The following POLQ variants were observed in gnomAD, a reference collection of about 807,000 sequenced individuals.
POLQ encodes epididymis secretory sperm binding protein.
POLQ carries 233 observed loss-of-function variants against 259.2 expected under a neutral mutation model. That is an observed-to-expected ratio of 0.90 (90% CI 0.81 to 1.00). The LOEUF (loss-of-function observed/expected upper bound fraction) is 1.00. POLQ is among the 50% of genes least tolerant of loss of function. The pLI is 0.00. For missense variants in POLQ, 2,871 were observed against 3,051.6 expected, an observed-to-expected ratio of 0.94 and a Z score of 1.39; for synonymous variants, 1,025 against 1,048.8, an observed-to-expected ratio of 0.98 and a Z score of 0.44.
At chr3:121,508,405 G>A (rs546694081) in intron 12 of POLQ, among the ~76,000 whole-genome samples, 45 of 152,242 alleles carry the variant, frequency 3.0e-4, no homozygotes, top group African/African-American at 1.1e-3. Context: ...TCAGCCCTGA[G>A]GTGGGTATTA....
intron 27 of POLQ, among the ~76,000 whole-genome samples, chr3:121,437,769 A>T (rs756718981): frequency 6.6e-6 from 1 of 152,244 alleles, no homozygotes; most frequent in Non-Finnish European, 1.5e-5. Flanking sequence ...TCAAACTGAA[A>T]ACCCAAGTTC....
At chr3:121,512,094 A>AT in intron 9 of POLQ, 65 bp from the exon 10 acceptor site, 1 of 1,393,750 alleles carries the variant, frequency 7.2e-7, no homozygotes, top group South Asian at 1.3e-5. Context: ...TGCTAAAGAG[A>AT]TTTTAAGTTG....
At chr3:121,483,200 T>G (rs567450631) in intron 18 of POLQ, among the ~76,000 whole-genome samples, 186 bp downstream of exon 18, 3 of 152,020 alleles carry the variant, frequency 2.0e-5, no homozygotes, top group East Asian at 1.9e-4. Flanking sequence ...ATCTCTGTTT[T>G]TATCTACACA....
chr3:121,545,962 G>T lies in POLQ; in HGVS notation c.-85C>A. The T allele has an allele frequency of 6.8e-7, 1 of 1,475,766 alleles. No homozygotes were observed. The highest frequency in any genetic ancestry group is 9.2e-7 in the Non-Finnish European group (1 of 1,081,234). 91.4% of individuals were successfully genotyped at this position (1,475,766 alleles called of 1,614,324 possible). A position where few individuals can be genotyped will look rare whatever the true frequency, so the allele number is the denominator to read the frequency against. On this transcript the variant is annotated 5_prime_UTR_variant, in exon 1 of 30. Coordinates refer to ENST00000264233, the MANE Select transcript of POLQ (RefSeq NM_199420.4). Reference sequence around the variant, plus strand: ...GAACCCTGGCCTGGCAACAGCTGCGGACATCTTCCCGCCAGTCTTCAAACT... The same window carrying T: ...GAACCCTGGCCTGGCAACAGCTGCGTACATCTTCCCGCCAGTCTTCAAACT...
chr3:121,493,642 C>A lies in POLQ; in HGVS notation c.2358G>T (p.Thr786=). 1 of 1,614,054 alleles carries A rather than the reference C, an allele frequency of 6.2e-7. No homozygotes were observed. Among genetic ancestry groups the A allele is most frequent in the South Asian group, 1.1e-5 (1 of 91,082 alleles). The change falls in exon 15 of 30, where the codon ACG becomes ACT. Residue 786 remains threonine, a synonymous_variant. Coordinates refer to ENST00000264233, the MANE Select transcript of POLQ (RefSeq NM_199420.4). ...LLLSQFQKRL[T]FGIQRELCDL... The stretch of plus-strand genomic sequence containing the variant: ...CACACAGCTCCCTCTGGATGCCAAA[C>A]GTAAGACGCTTCTGAAATTGGGAAA...
chr3:121,498,221 A>G (rs1294810249), intron 13 of POLQ, among the ~76,000 whole-genome samples: 6 of 152,088 alleles, frequency 3.9e-5, no homozygotes, highest in Non-Finnish European at 7.4e-5. Context: ...GAGGCAGCAG[A>G]ATCGCTTGAA....
At chr3:121,482,540 G>A (rs1010171327) in intron 18 of POLQ, among the ~76,000 whole-genome samples, 23 of 149,590 alleles carry the variant, frequency 1.5e-4, no homozygotes, top group African/African-American at 4.9e-4. Flanking sequence ...AAAAAGTGAC[G>A]CATAAATGTT....
At chr3:121,507,909 G>A (rs1326709963) in intron 12 of POLQ, among the ~76,000 whole-genome samples, 5 of 151,866 alleles carry the variant, frequency 3.3e-5, no homozygotes, top group Non-Finnish European at 7.4e-5. Context: ...GCTGGAGCAT[G>A]GTGGCACGAT....
intron 12 of POLQ, among the ~76,000 whole-genome samples, chr3:121,506,797 GTACCATGT>G (rs2048212179): frequency 6.6e-6 from 1 of 152,128 alleles, no homozygotes; most frequent in Non-Finnish European, 1.5e-5. Flanking sequence ...AACACTGTGT[GTACCATGT>G]TACTTACTGA....
At chr3:121,511,095 G>A (rs557261839) in intron 10 of POLQ, among the ~76,000 whole-genome samples, 8 of 152,020 alleles carry the variant, frequency 5.3e-5, no homozygotes, top group Admixed American at 2.0e-4. Context: ...GCGTGGTGGC[G>A]GGCGCCTGTA....
intron 24 of POLQ, among the ~76,000 whole-genome samples, chr3:121,466,306 A>G (rs1344446512): frequency 1.3e-5 from 2 of 149,530 alleles, no homozygotes; most frequent in Non-Finnish European, 3.0e-5. Flanking sequence ...AAACTGATTC[A>G]TGAGTTTTAA....
intron 9 of POLQ, among the ~76,000 whole-genome samples, chr3:121,517,324 C>T (rs931349454): frequency 6.6e-6 from 1 of 151,780 alleles, no homozygotes; most frequent in Admixed American, 6.6e-5. Flanking sequence ...ACAGGATAAA[C>T]GTCTCTGATG....
intron 22 of POLQ, among the ~76,000 whole-genome samples, chr3:121,469,951 G>T (rs1433901456): frequency 6.6e-6 from 1 of 152,066 alleles, no homozygotes; most frequent in Non-Finnish European, 1.5e-5. Context: ...CAAAGCAGAA[G>T]GCTTATTACT....
intron 12 of POLQ, 144 bp from the exon 13 acceptor site, chr3:121,498,814 T>C (rs2048144812): frequency 1.6e-6 from 1 of 629,832 alleles, no homozygotes; most frequent in Non-Finnish European, 2.7e-6. Context: ...GATGGAAAGA[T>C]TGCTTGAACC....
chr3:121,517,994 T>G (rs1461594412), intron 9 of POLQ, among the ~76,000 whole-genome samples: 1 of 152,226 alleles, frequency 6.6e-6, no homozygotes, highest in East Asian at 1.9e-4. Flanking sequence ...TTTTTGGTAT[T>G]TGTGGTAGTC....
chr3:121,507,644 T>C lies in POLQ; in HGVS notation c.1959+1917A>G, dbSNP rs2048219674. Among the ~76,000 whole-genome samples, 4 of 152,172 alleles carry C rather than the reference T, an allele frequency of 2.6e-5. No individual in the cohort carries two copies. The South Asian group carries it at 6.2e-4, about 24-fold the overall frequency. On this transcript the variant is annotated intron_variant, in intron 12 of 29. Transcript: ENST00000264233. ...CAGGAGGCTAAGGCAGAAGAATCGC[T>C]TGAACCTGGGAGGCAGAGGTTGCAA...
At chr3:121,520,545 C>T (rs2048329996) in intron 8 of POLQ, among the ~76,000 whole-genome samples, 1 of 151,692 alleles carries the variant, frequency 6.6e-6, no homozygotes, top group Non-Finnish European at 1.5e-5. Flanking sequence ...ACAACAATAA[C>T]AAAAAAAGAG....
rs1477480089 is a variant in POLQ, at chr3:121,436,157, C to T, written c.7508G>A (p.Gly2503Asp). Residue 2503 changes from glycine to aspartate, a missense_variant, in exon 28 of 30, where the codon GGT becomes GAT. Physicochemically the swap from Gly to Asp is moderately conservative, Grantham distance 94. This residue lies in a region of POLQ where 2,080 missense variants were observed against 2,126.0 expected (regional missense o/e 0.98). Transcript: ENST00000264233. ...ACTTTGGAGCATACCCTCTCGATGA[C>T]CATGGGATTTGAAGGTTGAGTGGAA... ...ETFHSTFKSHGHREGMLQSDQ... is the reference protein window; with the variant it reads ...ETFHSTFKSHDHREGMLQSDQ... 1.9e-6 allele frequency: 3 copies of T among 1,613,722 alleles called. No individual in the cohort carries two copies. Among genetic ancestry groups the T allele is most frequent in the East Asian group, 4.5e-5 (2 of 44,884 alleles).
intron 7 of POLQ, among the ~76,000 whole-genome samples, chr3:121,528,346 T>A (rs1576427382): frequency 1.4e-5 from 2 of 146,740 alleles, no homozygotes; most frequent in Admixed American, 1.4e-4. Flanking sequence ...AAATTTTAAT[T>A]TTTTTTTTTT....
Sources: gnomAD v4.1 joint callset for allele counts (sites outside exome capture counted in the v4.1 genomes callset) on GRCh38, gnomAD v4.1.1 for gene constraint, gnomAD v4.1.1 regional missense constraint, MANE v1.5 for transcripts, NCBI Gene and HGNC (gene_info 2026-07-23, HGNC 2026-07-21) for gene names.